The following SPATA22 variants were observed in gnomAD, a reference collection of about 807,000 sequenced individuals.
SPATA22 encodes spermatogenesis-associated protein 22.
Under a neutral mutation model 47.8 loss-of-function variants are expected in SPATA22, and 29 were observed. The observed-to-expected ratio is 0.61, with a 90% CI of 0.45 to 0.83. The LOEUF is 0.83. SPATA22 is among the 40% of genes least tolerant of loss of function. The probability of loss-of-function intolerance (pLI) is 0.00; values close to 1 mark genes in which losing one functional copy is unlikely to be tolerated. For synonymous variants in SPATA22, 133 were observed against 140.9 expected (o/e 0.94, Z 0.40); for missense variants, 410 against 421.7 (o/e 0.97, Z 0.24).
At position 3,469,355 on chromosome 17, in the gene SPATA22, T is replaced by C. The variant is rs368843713; in HGVS notation, c.-30A>G. On this transcript the variant is annotated 5_prime_UTR_variant, in exon 2 of 9. In the 5' UTR this introduces an upstream ATG that the reference lacks. Transcript: ENST00000572969. ...TTCAATATCAAAATCTATAATTTTC[T>C]ATTCAGCATTCCAAATTTATAATAT... The C allele has an allele frequency of 1.3e-6, 2 of 1,524,040 alleles. No individual in the cohort carries two copies. The highest frequency in any genetic ancestry group is 1.8e-6 in the Non-Finnish European group (2 of 1,127,944). 94.4% of individuals were successfully genotyped at this position (1,524,040 alleles called of 1,614,324 possible).
intron 1 of SPATA22, among the ~76,000 whole-genome samples, chr17:3,495,580 G>C (rs2073895374): frequency 6.6e-6 from 1 of 151,448 alleles, no homozygotes; most frequent in South Asian, 2.1e-4. Flanking sequence ...TTTTGTTTTT[G>C]TTTTTTGAGA....
chr17:3,482,251 C>T (rs564528989), intron 1 of SPATA22, among the ~76,000 whole-genome samples: 123 of 152,226 alleles, frequency 8.1e-4, no homozygotes, highest in African/African-American at 2.6e-3. Flanking sequence ...AGTCCTTTAA[C>T]GTAGACTAAA....
At chr17:3,484,191 T>C (rs1057023034) in intron 1 of SPATA22, among the ~76,000 whole-genome samples, 3 of 152,114 alleles carry the variant, frequency 2.0e-5, no homozygotes, top group Non-Finnish European at 2.9e-5. Context: ...TCACCTCCTA[T>C]AGAACTTTCC....
intron 1 of SPATA22, among the ~76,000 whole-genome samples, chr17:3,507,042 A>G (rs529992148): frequency 2.1e-4 from 31 of 150,892 alleles, no homozygotes; most frequent in African/African-American, 7.2e-4. Flanking sequence ...AGGCGAAGGC[A>G]ACCAAAGCTT....
At chr17:3,505,734 T>TTTTTG (rs150996670) in intron 1 of SPATA22, among the ~76,000 whole-genome samples, 1 of 147,314 alleles carries the variant, frequency 6.8e-6, no homozygotes, top group Non-Finnish European at 1.5e-5. Flanking sequence ...CTTAGGGGTT[T>TTTTTG]TTTGTTTGTT....
rs544455799 is a variant in SPATA22, at chr17:3,455,546, A to G, written c.330-6397T>C. On this transcript the variant is annotated intron_variant, in intron 5 of 8. Coordinates refer to ENST00000572969, the MANE Select transcript of SPATA22 (RefSeq NM_001170698.2). ...CAGTTTTCCCAGCACCATTTATTAA[A>G]TAGGGAATCCTTTCCCCATTGCTTG... is the stretch of plus-strand genomic sequence containing the variant. 7.1e-3 allele frequency among the ~76,000 whole-genome samples: 1,014 copies of G among 142,666 alleles called. 13 individuals are homozygous for G. Among genetic ancestry groups the G allele is most frequent in the African/African-American group, 0.025 (966 of 38,778 alleles). The allele number at this position is 142,666 out of a possible 152,430, so 93.6% of individuals were successfully genotyped here.
At chr17:3,447,172 T>C (rs1435871992) in intron 6 of SPATA22, among the ~76,000 whole-genome samples, 1 of 151,350 alleles carries the variant, frequency 6.6e-6, no homozygotes, top group African/African-American at 2.4e-5. Context: ...ACAAGGTAAA[T>C]GGAAAGAGAG....
At chr17:3,466,658 A>G (rs1339019460) in intron 3 of SPATA22, among the ~76,000 whole-genome samples, 2 of 152,380 alleles carry the variant, frequency 1.3e-5, no homozygotes, top group African/African-American at 4.8e-5. Flanking sequence ...GGACTCTACT[A>G]TAACAAAATA....
At chr17:3,462,905 C>A in intron 3 of SPATA22, 138 bp from the exon 4 acceptor site, 1 of 667,522 alleles carries the variant, frequency 1.5e-6, no homozygotes, top group Non-Finnish European at 2.6e-6. Flanking sequence ...TTCAACAGTA[C>A]TTGTTGGAAA....
intron 1 of SPATA22, among the ~76,000 whole-genome samples, chr17:3,480,592 A>G (rs987174591): frequency 6.6e-6 from 1 of 152,358 alleles, no homozygotes; most frequent in Non-Finnish European, 1.5e-5. Flanking sequence ...TAGTGATGTT[A>G]TCCCCAGGAG....
chr17:3,497,955 C>G (rs1413396052), intron 1 of SPATA22, among the ~76,000 whole-genome samples: 1 of 152,092 alleles, frequency 6.6e-6, no homozygotes. Flanking sequence ...GGTGTGACAG[C>G]CATGGTGCTT....
intron 1 of SPATA22, among the ~76,000 whole-genome samples, chr17:3,482,097 T>C (rs956922419): frequency 2.0e-5 from 3 of 152,336 alleles, no homozygotes; most frequent in African/African-American, 7.2e-5. Flanking sequence ...AGCCACCAGA[T>C]GGTGGGGTAT....
intron 1 of SPATA22, among the ~76,000 whole-genome samples, chr17:3,486,195 A>G (rs1249002923): frequency 6.6e-6 from 1 of 152,096 alleles, no homozygotes; most frequent in Non-Finnish European, 1.5e-5. Context: ...CGGCCTCCCA[A>G]AGTGCTGGGA....
At chr17:3,461,742 T>G (rs2073130399) in intron 5 of SPATA22, among the ~76,000 whole-genome samples, 1 of 152,218 alleles carries the variant, frequency 6.6e-6, no homozygotes. Context: ...GAGAATAGTA[T>G]TAACTTCATA....
At chr17:3,486,001 C>T (rs1317405804) in intron 1 of SPATA22, among the ~76,000 whole-genome samples, 5 of 150,966 alleles carry the variant, frequency 3.3e-5, no homozygotes, top group African/African-American at 4.9e-5. Flanking sequence ...GGCACAATCT[C>T]GGCTCACTGC....
At chr17:3,491,872 G>GTTT in intron 1 of SPATA22, among the ~76,000 whole-genome samples, 1 of 109,150 alleles carries the variant, frequency 9.2e-6, no homozygotes. Context: ...TTTTTCTTTT[G>GTTT]TTTTCTTTTT....
chr17:3,444,374 A>G (rs2150695056), intron 7 of SPATA22, among the ~76,000 whole-genome samples: 1 of 152,220 alleles, frequency 6.6e-6, no homozygotes, highest in African/African-American at 2.4e-5. Context: ...TTTCTGCAAT[A>G]GGCATGTTAC....
intron 1 of SPATA22, chr17:3,481,822 TAA>T: frequency 6.4e-7 from 1 of 1,553,796 alleles, no homozygotes; most frequent in Non-Finnish European, 8.8e-7. Context: ...TATTAATTTA[TAA>T]GTTAGCAAAG....
At chr17:3,498,757 A>C in intron 1 of SPATA22, 1 of 874,028 alleles carries the variant, frequency 1.1e-6, no homozygotes, top group Middle Eastern at 3.7e-4. Flanking sequence ...ACTTGCCTGC[A>C]TCTCAATGCC....
Sources: gnomAD v4.1 joint callset for allele counts (sites outside exome capture counted in the v4.1 genomes callset) on GRCh38, gnomAD v4.1.1 for gene constraint, MANE v1.5 for transcripts, NCBI Gene and HGNC (gene_info 2026-07-23, HGNC 2026-07-21) for gene names.